The following DNAL1 variants were observed in gnomAD, a reference collection of about 807,000 sequenced individuals.
The protein encoded by DNAL1 is dynein axonemal light chain 1, also known as chromosome 14 open reading frame 168.
DNAL1 carries 17 observed loss-of-function variants against 29.4 expected under a neutral mutation model. The ratio of observed to expected loss-of-function variants is 0.58; its 90% confidence interval spans 0.40 to 0.87. The LOEUF (loss-of-function observed/expected upper bound fraction) is 0.87. Among genes scored for constraint, DNAL1 ranks in the 40% least tolerant of loss-of-function variants. The probability of loss-of-function intolerance (pLI) is 0.00; values close to 1 mark genes in which losing one functional copy is unlikely to be tolerated. For synonymous variants in DNAL1, 78 were observed against 76.3 expected (o/e 1.02, Z -0.12); for missense variants, 188 against 214.1 (o/e 0.88, Z 0.76).
At chr14:73,689,604 G>A in intron 7 of DNAL1, 89 bp downstream of exon 7, 2 of 1,523,650 alleles carry the variant, frequency 1.3e-6, no homozygotes, top group Admixed American at 2.0e-5. Context: ...AAAAACTAAA[G>A]AAAAAATACC....
chr14:73,656,480 C>T (rs12050448), intron 2 of DNAL1, among the ~76,000 whole-genome samples: 17,905 of 148,806 alleles, frequency 0.12, 2,123 homozygotes, highest in East Asian at 0.63. Context: ...GTCACCCAGG[C>T]TGGAGTGCAG....
chr14:73,694,692 C>CTT (rs3041354), intron 7 of DNAL1, among the ~76,000 whole-genome samples: 3,485 of 143,234 alleles, frequency 0.024, 124 homozygotes, highest in African/African-American at 0.082. Flanking sequence ...ACATAGAAAA[C>CTT]TTTTTTTTTT....
intron 1 of DNAL1, among the ~76,000 whole-genome samples, chr14:73,650,182 G>T (rs888812329): frequency 6.6e-6 from 1 of 152,012 alleles, no homozygotes; most frequent in African/African-American, 2.4e-5. Context: ...TAGAGATGGG[G>T]TGTCACTATA....
In DNAL1 at chr14:73,655,668, TATC is replaced by T. The variant is rs201679984; in HGVS notation, c.42+788_42+790del. On this transcript the variant is annotated intron_variant, in intron 2 of 7. Coordinates refer to ENST00000553645, the MANE Select transcript of DNAL1 (RefSeq NM_031427.4). ...GGCCTACATTTTCTTTTTCAACTGT[TATC>T]ATCACTAAGCTACATACCATTTTCA... Among the ~76,000 whole-genome samples the T allele has an allele frequency of 8.3e-3, 1,265 of 152,104 alleles. 25 individuals are homozygous for T. The highest frequency in any genetic ancestry group is 0.029 in the African/African-American group (1,197 of 41,498).
chr14:73,664,471 C>T (rs970288695), intron 4 of DNAL1, among the ~76,000 whole-genome samples: 4 of 152,116 alleles, frequency 2.6e-5, no homozygotes, highest in African/African-American at 9.7e-5. Context: ...CCAATTTACA[C>T]CCAAATACAC....
chr14:73,647,258 G>A (rs1473610516), intron 1 of DNAL1, among the ~76,000 whole-genome samples: 2 of 151,260 alleles, frequency 1.3e-5, no homozygotes, highest in African/African-American at 2.4e-5. Flanking sequence ...CTAGCTACTC[G>A]GGAGGCTGAG....
Position 73,660,483 on chromosome 14 carries a change from T to C in DNAL1, c.153-1504T>C, listed in dbSNP as rs114487768. 8.3e-3 allele frequency among the ~76,000 whole-genome samples: 1,262 copies of C among 152,320 alleles called. 24 individuals carry two copies. Among genetic ancestry groups the C allele is most frequent in the African/African-American group, 0.029 (1,194 of 41,562 alleles). ...GTCTAAGTGTGATCCCTTGATCATC[T>C]GCACTTTATGCAGGAGATCAGCCCC... On this transcript the variant is annotated intron_variant, in intron 3 of 7. Transcript: ENST00000553645.
intron 2 of DNAL1, among the ~76,000 whole-genome samples, chr14:73,656,072 T>G (rs534879000): frequency 6.6e-6 from 1 of 152,284 alleles, no homozygotes; most frequent in South Asian, 2.1e-4. Flanking sequence ...TAGTGTAGTT[T>G]TTTTGCATAA....
intron 5 of DNAL1, among the ~76,000 whole-genome samples, chr14:73,682,655 C>A (rs967849947): frequency 1.3e-5 from 2 of 151,270 alleles, no homozygotes; most frequent in Non-Finnish European, 2.9e-5. Context: ...ATTTTTAAAT[C>A]TTTTTTACAC....
At chr14:73,692,477 T>C (rs1314852225) in intron 7 of DNAL1, among the ~76,000 whole-genome samples, 2 of 151,604 alleles carry the variant, frequency 1.3e-5, no homozygotes, top group Non-Finnish European at 1.5e-5. Flanking sequence ...CTGACCAACA[T>C]GGAGAAACCC....
At chr14:73,667,831 A>G (rs1891524348) in intron 4 of DNAL1, among the ~76,000 whole-genome samples, 1 of 152,068 alleles carries the variant, frequency 6.6e-6, no homozygotes, top group Non-Finnish European at 1.5e-5. Flanking sequence ...TGACAAGTCC[A>G]TTTTTCCAGT....
intron 5 of DNAL1, among the ~76,000 whole-genome samples, chr14:73,685,359 C>A (rs185642437): frequency 1.6e-4 from 24 of 152,270 alleles, no homozygotes; most frequent in African/African-American, 5.5e-4. Flanking sequence ...TAAGTAGTAT[C>A]ATACAGCATT....
rs1177301034 is a variant in DNAL1 at position 73,658,903 on chromosome 14, G to A, written c.99G>A (p.Gln33=). The stretch of plus-strand genomic sequence containing the variant: ...CCAAAGAGATAAAACTTTATGCCCA[G>A]ATTCCCCCTATAGAGAAGATGGATG... ...SEAKEIKLYA[Q]IPPIEKMDAS... The change falls in exon 3 of 8, where the codon CAG becomes CAA. Residue 33 remains glutamine, a synonymous_variant. Transcript: ENST00000553645. The A allele has an allele frequency of 6.3e-7, 1 of 1,599,556 alleles. No individual in the cohort carries two copies. Among genetic ancestry groups the A allele is most frequent in the Non-Finnish European group, 8.5e-7 (1 of 1,172,772 alleles).
At position 73,698,417 on chromosome 14, in the gene DNAL1, C is replaced by G. The variant is rs1299151812; in HGVS notation, c.*2475C>G. Reference sequence around the variant, plus strand: ...CTGATAAAACTGCCTTTGGTTTATGCCTCTTGGATCAGATATTTGACCTAT... The same window carrying G: ...CTGATAAAACTGCCTTTGGTTTATGGCTCTTGGATCAGATATTTGACCTAT... On this transcript the variant is annotated 3_prime_UTR_variant, in exon 8 of 8. Transcript: ENST00000553645. The G allele has an allele frequency of 6.6e-6, 1 of 152,166 alleles. No homozygotes were observed. Among genetic ancestry groups the G allele is most frequent in the Admixed American group, 6.5e-5 (1 of 15,278 alleles). 9.4% of individuals were successfully genotyped at this position (152,166 alleles called of 1,614,324 possible).
chr14:73,679,274 G>A (rs565674761), intron 5 of DNAL1, among the ~76,000 whole-genome samples: 10 of 152,138 alleles, frequency 6.6e-5, no homozygotes, highest in African/African-American at 1.7e-4. Flanking sequence ...GATTACAGGC[G>A]TGAGCCACCG....
intron 5 of DNAL1, among the ~76,000 whole-genome samples, chr14:73,676,049 TA>T (rs1381453024): frequency 4.6e-5 from 7 of 150,964 alleles, no homozygotes; most frequent in South Asian, 2.1e-4. Flanking sequence ...TAAAATAAAA[TA>T]TTTTTTTTTT....
chr14:73,677,040 G>A (rs949807600), intron 5 of DNAL1, among the ~76,000 whole-genome samples: 33 of 149,678 alleles, frequency 2.2e-4, no homozygotes, highest in African/African-American at 3.7e-4. Context: ...GCGTGATCTC[G>A]GCTCACTACA....
intron 5 of DNAL1, among the ~76,000 whole-genome samples, chr14:73,677,884 T>TTTTG (rs1555402398): frequency 4.6e-4 from 44 of 96,130 alleles, no homozygotes; most frequent in South Asian, 9.5e-4. Context: ...ATATATATAT[T>TTTTG]TGTGTGTGTG....
intron 7 of DNAL1, among the ~76,000 whole-genome samples, chr14:73,690,648 G>C (rs1039217327): frequency 1.5e-4 from 22 of 145,252 alleles, no homozygotes; most frequent in African/African-American, 5.4e-4. Flanking sequence ...GCGAAACTCC[G>C]TCTCAAAAAA....
Sources: gnomAD v4.1 joint callset for allele counts (sites outside exome capture counted in the v4.1 genomes callset) on GRCh38, gnomAD v4.1.1 for gene constraint, MANE v1.5 for transcripts, NCBI Gene and HGNC (gene_info 2026-07-23, HGNC 2026-07-21) for gene names.